The following SCN1A variants were observed in gnomAD, a reference collection of about 807,000 sequenced individuals.
SCN1A encodes the protein sodium channel protein type 1 subunit alpha.
In SCN1A, 13 loss-of-function variants were observed where a neutral mutation model predicts 193.7. The ratio of observed to expected loss-of-function variants is 0.07; its 90% CI spans 0.04 to 0.11. The LOEUF is 0.11. Ranked by LOEUF, SCN1A falls within the 10% of genes least tolerant of loss-of-function variation. The probability of loss-of-function intolerance (pLI) is 1.00; values close to 1 mark genes in which losing one functional copy is unlikely to be tolerated. For synonymous variants in SCN1A, 781 were observed against 843.6 expected (o/e 0.93, Z 1.29); for missense variants, 1,432 against 2,451.1 (o/e 0.58, Z 8.78).
At chr2:166,139,901 T>C (rs1338467092) in intron 1 of SCN1A, among the ~76,000 whole-genome samples, 1 of 152,142 alleles carries the variant, frequency 6.6e-6, no homozygotes, top group African/African-American at 2.4e-5. Context: ...TCATAGCAGG[T>C]AGAGACTCAG....
At chr2:166,115,241 C>A (rs1395691007) in intron 2 of SCN1A, among the ~76,000 whole-genome samples, 1 of 152,112 alleles carries the variant, frequency 6.6e-6, no homozygotes, top group Non-Finnish European at 1.5e-5. Context: ...TGCTTGTAGT[C>A]CCCGCCACTT....
intron 25 of SCN1A, among the ~76,000 whole-genome samples, chr2:165,998,766 G>GT (rs768525403): frequency 3.3e-5 from 5 of 150,452 alleles, no homozygotes; most frequent in African/African-American, 4.9e-5. Flanking sequence ...GGTCACTATA[G>GT]TTTTTTAACA....
chr2:166,029,479 G>A (rs904375541), intron 19 of SCN1A, among the ~76,000 whole-genome samples: 3 of 152,200 alleles, frequency 2.0e-5, no homozygotes, highest in African/African-American at 2.4e-5. Context: ...AGTACTCTTC[G>A]CAGAGAGTAG....
intron 2 of SCN1A, chr2:166,092,636 G>C (rs948781579): frequency 1.3e-5 from 2 of 152,222 alleles, no homozygotes; most frequent in African/African-American, 4.8e-5. Flanking sequence ...GAGTCACTGG[G>C]ATTAAAGGCA....
chr2:166,004,493 G>T (rs1355055401), intron 23 of SCN1A, among the ~76,000 whole-genome samples: 1 of 150,914 alleles, frequency 6.6e-6, no homozygotes, highest in Non-Finnish European at 1.5e-5. Context: ...ACCTAGAACT[G>T]CCCTCTGTTA....
chr2:166,056,311 T>C (rs1340694046), intron 6 of SCN1A, 100 bp downstream of exon 6: 2 of 817,156 alleles, frequency 2.4e-6, no homozygotes, highest in Non-Finnish European at 4.2e-6. Context: ...TAGGAATGAC[T>C]TTAATAAAAT....
chr2:166,004,708 C>A (rs937682337), intron 23 of SCN1A, among the ~76,000 whole-genome samples: 1 of 151,474 alleles, frequency 6.6e-6, no homozygotes, highest in Non-Finnish European at 1.5e-5. Context: ...CTTCATGCCA[C>A]TTCAATTAAT....
intron 23 of SCN1A, among the ~76,000 whole-genome samples, chr2:166,003,530 T>C (rs1691232389): frequency 6.6e-6 from 1 of 151,534 alleles, no homozygotes; most frequent in South Asian, 2.1e-4. Context: ...TCTACTTTTT[T>C]TTTTTTCTAT....
chr2:166,046,476 G>A (rs887483351), intron 12 of SCN1A, among the ~76,000 whole-genome samples: 8 of 152,094 alleles, frequency 5.3e-5, no homozygotes, highest in African/African-American at 1.9e-4. Context: ...CCTAATGCCA[G>A]TCTACTCATT....
At chr2:166,128,323 CTT>C (rs1161494973), upstream of SCN1A, among the ~76,000 whole-genome samples, 5 of 151,892 alleles carry the variant, frequency 3.3e-5, no homozygotes, top group African/African-American at 1.2e-4. Flanking sequence ...ACTTGAAAAA[CTT>C]TAGCATTATT....
At chr2:166,076,810 A>G (rs561612504) in intron 3 of SCN1A, among the ~76,000 whole-genome samples, 1 of 147,502 alleles carries the variant, frequency 6.8e-6, no homozygotes, top group African/African-American at 2.5e-5. Flanking sequence ...TTCAACATGT[A>G]TTGCTGGAAT....
intron 2 of SCN1A, among the ~76,000 whole-genome samples, chr2:166,115,522 T>A (rs1225865927): frequency 1.3e-5 from 2 of 152,176 alleles, no homozygotes; most frequent in Non-Finnish European, 1.5e-5. Context: ...TATATATAAG[T>A]AGTTCAATAC....
intron 2 of SCN1A, among the ~76,000 whole-genome samples, chr2:166,102,758 T>C (rs993021666): frequency 6.6e-6 from 1 of 152,158 alleles, no homozygotes; most frequent in Non-Finnish European, 1.5e-5. Context: ...CATATGTTCA[T>C]TGCAGCACTA....
chr2:166,035,175 CT>C (rs1189439924), intron 19 of SCN1A, among the ~76,000 whole-genome samples: 1 of 152,180 alleles, frequency 6.6e-6, no homozygotes, highest in Non-Finnish European at 1.5e-5. Context: ...CTAAGTTCAA[CT>C]CTCGGCACTC....
chr2:166,060,373 T>C (rs1428283610), intron 4 of SCN1A: 1 of 152,172 alleles, frequency 6.6e-6, no homozygotes, highest in Non-Finnish European at 1.5e-5. Context: ...TGAATGACAT[T>C]GTGAGATCAT....
Position 166,086,477 on chromosome 2 carries a change from C to T in SCN1A, c.-141-8676G>A, listed in dbSNP as rs145937917. Among the ~76,000 whole-genome samples, 48 of 152,272 alleles carry T rather than the reference C, an allele frequency of 3.2e-4. No homozygotes were observed. The East Asian group carries it at 9.1e-3, about 29-fold the overall frequency. On this transcript the variant is annotated intron_variant, in intron 2 of 28. Transcript: ENST00000674923. Reference sequence around the variant, plus strand: ...GGCATGAAGCTCAGTTGAGGATGTGCATGCTTCTCCTCTCATAAATATTCA... The same window carrying T: ...GGCATGAAGCTCAGTTGAGGATGTGTATGCTTCTCCTCTCATAAATATTCA...
chr2:166,053,900 A>G (rs1698858837), intron 7 of SCN1A, among the ~76,000 whole-genome samples: 2 of 151,938 alleles, frequency 1.3e-5, no homozygotes, highest in African/African-American at 4.8e-5. Context: ...GCCACTAGAA[A>G]AAAAAGCATT....
In SCN1A at chr2:166,043,591, G is replaced by A; in HGVS notation, c.2043+78C>T. On this transcript the variant is annotated intron_variant, in intron 14 of 28. Coordinates refer to ENST00000674923, the MANE Select transcript of SCN1A (RefSeq NM_001165963.4). ...GTGACCAACCAGGAATCATTCTCAA[G>A]GTTGCCGTTCTGTAGAAACACTGGC... 3.4e-6 allele frequency: 5 copies of A among 1,475,514 alleles called. No individual in the cohort carries two copies. In the South Asian group the frequency reaches 6.7e-5, roughly 20 times the overall value. The allele number at this position is 1,475,514 out of a possible 1,614,324, so 91.4% of individuals were successfully genotyped here.
intron 16 of SCN1A, among the ~76,000 whole-genome samples, chr2:166,040,187 G>A (rs899189125): frequency 6.6e-6 from 1 of 152,120 alleles, no homozygotes. Flanking sequence ...CAAAGTGCTG[G>A]GATTACAGGC....
Sources: allele counts gnomAD v4.1 joint callset (sites outside exome capture counted in the v4.1 genomes callset), GRCh38; gene constraint gnomAD v4.1.1; transcripts MANE v1.5; gene names NCBI Gene and HGNC (gene_info 2026-07-23, HGNC 2026-07-21).